CCZ1: variants seen among roughly 807,000 people sequenced by gnomAD.
The protein encoded by CCZ1 is CCZ1 vacuolar protein trafficking and biogenesis associated.
A neutral mutation model predicts 57.8 loss-of-function variants in CCZ1; 19 were observed. The observed-to-expected ratio is 0.33, with a 90% CI of 0.23 to 0.48. CCZ1 has a LOEUF of 0.48. Ranked by LOEUF, CCZ1 falls within the 20% of genes least tolerant of loss-of-function variation. The pLI, the probability that CCZ1 is intolerant of heterozygous loss-of-function variation, is 0.99. For synonymous variants in CCZ1, 81 were observed against 167.0 expected, an observed-to-expected ratio of 0.49 and a Z score of 3.97; for missense variants, 200 against 492.0, an observed-to-expected ratio of 0.41 and a Z score of 5.61.
chr7:5,904,902 C>G (rs1299600521), intron 6 of CCZ1, among the ~76,000 whole-genome samples, 192 bp from the exon 7 acceptor site: 2 of 148,342 alleles, frequency 1.3e-5, no homozygotes, highest in Non-Finnish European at 2.9e-5. Context: ...AACTTTGTAT[C>G]TTGGAATTGG....
intron 8 of CCZ1, among the ~76,000 whole-genome samples, chr7:5,911,392 T>C (rs551544848): frequency 6.7e-6 from 1 of 149,068 alleles, no homozygotes; most frequent in Non-Finnish European, 1.5e-5. Context: ...GGTCTCAAAC[T>C]CCTGGGCTCA....
In CCZ1 at chr7:5,926,179, G is replaced by GA. The variant is rs1491515730; in HGVS notation, c.*492_*493insA. The GA allele has an allele frequency of 6.8e-4, 10 of 14,796 alleles. No homozygotes were observed. The South Asian group carries it at 0.045, about 67-fold the overall frequency. 0.9% of individuals were successfully genotyped at this position (14,796 alleles called of 1,614,324 possible). ...GCTGATGTTTTAATTTTGCAGAGAT[G>GA]GGGGGGTCTCACTATGTTGCCCAGG... On this transcript the variant is annotated 3_prime_UTR_variant, in exon 15 of 15. Transcript: ENST00000325974.
In CCZ1 at chr7:5,915,414, C is replaced by T. The variant is rs1413292476; in HGVS notation, c.954+2460C>T. On this transcript the variant is annotated intron_variant, in intron 10 of 14. Transcript: ENST00000325974. ...ATGACCCAGGTAATGGCTGAAATCT[C>T]CATAACCCTGGTGTGTAATATGCTG... 5.8e-5 allele frequency among the ~76,000 whole-genome samples: 8 copies of T among 137,984 alleles called. 2 individuals carry two copies. Among genetic ancestry groups the T allele is most frequent in the African/African-American group, 2.0e-4 (8 of 39,252 alleles). 90.5% of individuals were successfully genotyped at this position (137,984 alleles called of 152,430 possible). A position where few individuals can be genotyped will look rare whatever the true frequency, so the allele number is the denominator to read the frequency against.
chr7:5,900,039 A>C lies in CCZ1; in HGVS notation c.121-245A>C, dbSNP rs1369135618. Among the ~76,000 whole-genome samples the C allele has an allele frequency of 2.5e-4, 37 of 148,594 alleles. 1 individual carries two copies. The highest frequency in any genetic ancestry group is 8.3e-4 in the African/African-American group (33 of 39,882). On this transcript the variant is annotated intron_variant, in intron 1 of 14. Coordinates refer to ENST00000325974, the MANE Select transcript of CCZ1 (RefSeq NM_015622.6). The stretch of plus-strand genomic sequence containing the variant: ...TGAGATCATTCCTGTTCTTCTTCTT[A>C]TTTTAAATAATAGAGACGTCTCACT...
chr7:5,904,708 G>A lies in CCZ1; in HGVS notation c.523-386G>A, dbSNP rs552875473. Among the ~76,000 whole-genome samples the A allele has an allele frequency of 4.8e-5, 7 of 147,342 alleles. 2 individuals are homozygous for A. The East Asian group carries it at 1.3e-3, about 28-fold the overall frequency. ...TAGCTGGGCATGGTGGCAGGCGCCT[G>A]TAGTCCCAGCTGCTCAGGAGGCTGA... On this transcript the variant is annotated intron_variant, in intron 6 of 14. Coordinates refer to ENST00000325974, the MANE Select transcript of CCZ1 (RefSeq NM_015622.6).
chr7:5,903,855 C>T lies in CCZ1; in HGVS notation c.522+1111C>T, dbSNP rs1175995229. Among the ~76,000 whole-genome samples, 3 of 145,142 alleles carry T rather than the reference C, an allele frequency of 2.1e-5. 1 individual carries two copies. The highest frequency in any genetic ancestry group is 3.0e-5 in the Non-Finnish European group (2 of 67,318). ...AAAAAATACCAAAAAACTAGCTGGG[C>T]GTGGTGGCGCACGCCTGTAATCCCA... On this transcript the variant is annotated intron_variant, in intron 6 of 14. Coordinates refer to ENST00000325974, the MANE Select transcript of CCZ1 (RefSeq NM_015622.6).
At chr7:5,903,161 A>G (rs1193421312) in intron 6 of CCZ1, among the ~76,000 whole-genome samples, 1 of 149,100 alleles carries the variant, frequency 6.7e-6, no homozygotes, top group Non-Finnish European at 1.5e-5. Context: ...GTCTTGATGT[A>G]GGTAAGAGTT....
At chr7:5,904,617 G>C (rs1781761285) in intron 6 of CCZ1, among the ~76,000 whole-genome samples, 2 of 146,798 alleles carry the variant, frequency 1.4e-5, no homozygotes, top group African/African-American at 2.6e-5. Context: ...CAGATCACGA[G>C]TCAGGAGATT....
intron 7 of CCZ1, among the ~76,000 whole-genome samples, chr7:5,905,901 CCT>C (rs1562539544): frequency 2.2e-5 from 1 of 44,734 alleles, no homozygotes; most frequent in East Asian, 1.6e-3. Flanking sequence ...AATTTTTATA[CCT>C]TTTTTTTTTT....
chr7:5,905,921 T>C (rs1781805086), intron 7 of CCZ1, among the ~76,000 whole-genome samples: 1 of 140,006 alleles, frequency 7.1e-6, no homozygotes. Flanking sequence ...TTTTTTTCTT[T>C]CTTATAGAGA....
chr7:5,923,830 T>TG lies in CCZ1; in HGVS notation c.1266-4dup. ...AACGATTGCATTTTGACCCTCGTCT[T>TG]GCAGAGTGGATGAAGATGAGGAGAT... On this transcript the variant is annotated splice_region_variant and splice_polypyrimidine_tract_variant and intron_variant, in intron 13 of 14. Coordinates refer to ENST00000325974, the MANE Select transcript of CCZ1 (RefSeq NM_015622.6). 1 of 1,578,028 alleles carries TG rather than the reference T, an allele frequency of 6.3e-7. No homozygotes were observed. Among genetic ancestry groups the TG allele is most frequent in the Non-Finnish European group, 8.7e-7 (1 of 1,151,724 alleles).
intron 6 of CCZ1, 81 bp from the exon 7 acceptor site, chr7:5,905,013 A>G (rs1471799237): frequency 3.6e-6 from 4 of 1,119,840 alleles, no homozygotes; most frequent in South Asian, 1.6e-5. Flanking sequence ...TGAGTCTGAC[A>G]TAAGATTATT....
intron 5 of CCZ1, 149 bp downstream of exon 5, chr7:5,901,853 T>C (rs187727915): frequency 1.6e-6 from 1 of 626,658 alleles, no homozygotes; most frequent in East Asian, 3.4e-5. Flanking sequence ...TTGAAACAGG[T>C]AGTGAGGTTT....
At chr7:5,903,938 G>C (rs1262660706) in intron 6 of CCZ1, among the ~76,000 whole-genome samples, 1 of 140,514 alleles carries the variant, frequency 7.1e-6, no homozygotes, top group African/African-American at 2.7e-5. Context: ...AGGTTGCAGT[G>C]AGCCGAGATC....
rs1364051145 is a variant in CCZ1 at position 5,905,253 on chromosome 7, A to G, written c.682A>G (p.Asn228Asp). 6.5e-7 allele frequency: 1 copy of G among 1,531,952 alleles called. No individual in the cohort carries two copies. The highest frequency in any genetic ancestry group is 1.5e-5 in the African/African-American group (1 of 66,230). The allele number at this position is 1,531,952 out of a possible 1,614,324, so 94.9% of individuals were successfully genotyped here. A position where few individuals can be genotyped will look rare whatever the true frequency, so the allele number is the denominator to read the frequency against. ...AGTCAAATACACTGCTTTTCTCTAT[A>G]ACGATCAGCTCATCTGGTAGGTACA... ...NIVKYTAFLY[N>D]DQLIWSGLEQ... Residue 228 changes from asparagine (N) to aspartate (D), a missense_variant, in exon 7 of 15, where the codon AAC becomes GAC. By Grantham distance (23) the Asn-to-Asp change is conservative. This residue lies in a region of CCZ1 where 128 missense variants were observed against 178.4 expected (regional missense o/e 0.72). Coordinates refer to ENST00000325974, the MANE Select transcript of CCZ1 (RefSeq NM_015622.6).
chr7:5,899,332 GGGGTGTGTGTGTGTGT>G lies in CCZ1; in HGVS notation c.120+415_120+430del, dbSNP rs1210314138. Among the ~76,000 whole-genome samples the G allele has an allele frequency of 8.5e-3, 1,101 of 128,870 alleles. 34 individuals are homozygous for G. The highest frequency in any genetic ancestry group is 0.012 in the East Asian group (54 of 4,692). The allele number at this position is 128,870 out of a possible 152,430, so 84.5% of individuals were successfully genotyped here. ...GAGGAAATAAATTAATTTCGGGAGG[GGGGTGTGTGTGTGTGT>G]GTGTGTGTGTGTGTGTGTGTGTGTG... is the stretch of plus-strand genomic sequence containing the variant. On this transcript the variant is annotated intron_variant, in intron 1 of 14. Transcript: ENST00000325974.
At chr7:5,922,591 GA>G (rs1779262175) in intron 12 of CCZ1, among the ~76,000 whole-genome samples, 4 of 148,974 alleles carry the variant, frequency 2.7e-5, no homozygotes, top group African/African-American at 1.0e-4. Context: ...CTAGGTCCCC[GA>G]GGAGGTCACA....
rs1779192335 is a variant in CCZ1 at position 5,919,209 on chromosome 7, A to G, written c.988+309A>G. 6.1e-6 allele frequency: 3 copies of G among 488,698 alleles called. No homozygotes were observed. The Admixed American group carries it at 1.1e-4, about 18-fold the overall frequency. 30.3% of individuals were successfully genotyped at this position (488,698 alleles called of 1,614,324 possible). On this transcript the variant is annotated intron_variant, in intron 11 of 14. Coordinates refer to ENST00000325974, the MANE Select transcript of CCZ1 (RefSeq NM_015622.6). ...CACTATGTTGCCCGGGCTAGTGTCA[A>G]ACTCCTGGGCTCAAGCGATCCACCC...
chr7:5,912,175 C>A (rs1779054189), intron 9 of CCZ1, among the ~76,000 whole-genome samples: 1 of 144,016 alleles, frequency 6.9e-6, no homozygotes, highest in South Asian at 2.4e-4. Context: ...CCAGGCTGGT[C>A]TTGAACTCCT....
Sources: allele counts gnomAD v4.1 joint callset (sites outside exome capture counted in the v4.1 genomes callset), GRCh38; gene constraint gnomAD v4.1.1; regional missense constraint gnomAD v4.1.1; transcripts MANE v1.5; gene names NCBI Gene and HGNC (gene_info 2026-07-23, HGNC 2026-07-21).